Variants in TFEB observed in about 807,000 individuals in gnomAD.
TFEB encodes the protein T-cell transcription factor EB.
Under a neutral mutation model 48.0 loss-of-function variants are expected in TFEB, and 12 were observed. The ratio of observed to expected loss-of-function variants is 0.25; its 90% CI spans 0.16 to 0.40. The LOEUF (loss-of-function observed/expected upper bound fraction) is 0.40. Among genes scored for constraint, TFEB ranks in the 10% least tolerant of loss-of-function variants. The pLI, the probability that TFEB is intolerant of heterozygous loss-of-function variation, is 1.00. For synonymous variants in TFEB, 244 were observed against 261.4 expected (o/e 0.93, Z 0.64); for missense variants, 509 against 640.3 (o/e 0.79, Z 2.21).
At chr6:41,736,054 G>A (rs1157312169), upstream of TFEB, 3 of 1,516,062 alleles carry the variant, frequency 2.0e-6, no homozygotes, top group African/African-American at 2.7e-5. Flanking sequence ...TAAGGGGCAA[G>A]GCCAGGGTGA....
At chr6:41,694,694 A>G (rs1769486097) in intron 1 of TFEB, among the ~76,000 whole-genome samples, 1 of 152,136 alleles carries the variant, frequency 6.6e-6, no homozygotes, top group Non-Finnish European at 1.5e-5. Flanking sequence ...AAGAGGATGG[A>G]CATGGGAGAA....
intron 1 of TFEB, among the ~76,000 whole-genome samples, chr6:41,696,759 C>T (rs1581890985): frequency 6.6e-6 from 1 of 152,226 alleles, no homozygotes; most frequent in East Asian, 1.9e-4. Context: ...TGCTACAAAG[C>T]AATGACAGCA....
rs1768911224 is a variant in TFEB at position 41,684,871 on chromosome 6, G to C, written c.1159C>G (p.Pro387Ala). 1.9e-6 allele frequency: 3 copies of C among 1,569,758 alleles called. No individual in the cohort carries two copies. The African/African-American group carries it at 4.1e-5, about 21-fold the overall frequency. ...TCCAGGTGATGGAATGGGGATGGTG[G>C]CTGGGTGGGCAGGGGCAGCGGGGCT... ...PQAPLPLPTQ[P>A]PSPFHHLDFS... is the part of the protein sequence containing the mutation. Residue 387 changes from proline (P) to alanine (A), a missense_variant, in exon 9 of 9, where the codon CCA becomes GCA. Around this residue, in one of 4 missense-constraint regions of TFEB, gnomAD observed 168 missense variants for 161.0 expected, o/e 1.04. Coordinates refer to ENST00000373033, the MANE Select transcript of TFEB (RefSeq NM_001271944.2).
Position 41,734,833 on chromosome 6 carries a change from C to T in TFEB, c.-23+517G>A, listed in dbSNP as rs1472831744. ...CATCAGCCCAGCCCCCGGGGCGTGG[C>T]GCCGCTCTGGCCCTCCCACTCCCCC... On this transcript the variant is annotated intron_variant, in intron 1 of 8. Coordinates refer to ENST00000373033, the MANE Select transcript of TFEB (RefSeq NM_001271944.2). This position sits in a 1 kb window ranked among gnomAD's most constrained non-coding sequence, Gnocchi z 4.0. 2 of 880,384 alleles carry T rather than the reference C, an allele frequency of 2.3e-6. No homozygotes were observed. The highest frequency in any genetic ancestry group is 5.2e-5 in the South Asian group (1 of 19,126). The allele number at this position is 880,384 out of a possible 1,614,324, so 54.5% of individuals were successfully genotyped here.
At chr6:41,718,333 C>T (rs967445064) in intron 1 of TFEB, among the ~76,000 whole-genome samples, 2 of 152,070 alleles carry the variant, frequency 1.3e-5, no homozygotes, top group African/African-American at 4.8e-5. Context: ...CTCAGCCTCT[C>T]CCATAGCTGG....
At chr6:41,707,505 C>T (rs779475413) in intron 1 of TFEB, among the ~76,000 whole-genome samples, 19 of 152,212 alleles carry the variant, frequency 1.2e-4, no homozygotes, top group Non-Finnish European at 2.4e-4. Context: ...GGGAAGCACA[C>T]CGCCAGGCCC....
intron 1 of TFEB, among the ~76,000 whole-genome samples, chr6:41,713,050 G>A (rs1215474967): frequency 6.6e-6 from 1 of 152,118 alleles, no homozygotes; most frequent in East Asian, 1.9e-4. Flanking sequence ...TGGCCAGAGG[G>A]AGGGTGAAGT....
chr6:41,735,023 C>T (rs2127283865), intron 1 of TFEB: 1 of 985,446 alleles, frequency 1.0e-6, no homozygotes. Flanking sequence ...CCCTTCGACT[C>T]CCAGCTCCGG....
chr6:41,734,853 T>A lies in TFEB; in HGVS notation c.-23+497A>T. On this transcript the variant is annotated intron_variant, in intron 1 of 8. Transcript: ENST00000373033. The surrounding 1 kb of genome is among the most constrained non-coding windows in gnomAD (Gnocchi z 4.0). ...CGTGGCGCCGCTCTGGCCCTCCCAC[T>A]CCCCCCGCTGGCCTGGCCAGACTCA... 4.3e-6 allele frequency: 4 copies of A among 935,324 alleles called. No homozygotes were observed. The highest frequency in any genetic ancestry group is 5.0e-6 in the Non-Finnish European group (4 of 793,978). 57.9% of individuals were successfully genotyped at this position (935,324 alleles called of 1,614,324 possible).
chr6:41,723,279 ACATCC>A lies in TFEB; in HGVS notation c.-23+12066_-23+12070del, dbSNP rs1771059792. ...CAGAGACCCCCACCCCTCCCCAAAGACATCCCAATGCCAGTGCAGCCTGAGGGGCC... is the reference window on the plus strand; with the variant it reads ...CAGAGACCCCCACCCCTCCCCAAAGACAATGCCAGTGCAGCCTGAGGGGCC... On this transcript the variant is annotated intron_variant, in intron 1 of 8. Coordinates refer to ENST00000373033, the MANE Select transcript of TFEB (RefSeq NM_001271944.2). This position sits in a 1 kb window ranked among gnomAD's most constrained non-coding sequence, Gnocchi z 6.0. 1.3e-5 allele frequency among the ~76,000 whole-genome samples: 2 copies of A among 149,842 alleles called. No homozygotes were observed. The highest frequency in any genetic ancestry group is 1.3e-4 in the Admixed American group (2 of 15,082).
chr6:41,686,056 G>T (rs376358708), intron 8 of TFEB, 34 bp downstream of exon 8: 2 of 1,613,858 alleles, frequency 1.2e-6, no homozygotes, highest in Non-Finnish European at 1.7e-6. Context: ...TTAAGGGTCA[G>T]AGTTACCAAA....
intron 4 of TFEB, among the ~76,000 whole-genome samples, chr6:41,689,083 C>T (rs188739485): frequency 6.6e-6 from 1 of 152,324 alleles, no homozygotes; most frequent in African/African-American, 2.4e-5. Context: ...AGAGCATCAC[C>T]CCCATTTTGC....
At chr6:41,721,614 G>A (rs1202605179) in intron 1 of TFEB, among the ~76,000 whole-genome samples, 2 of 152,150 alleles carry the variant, frequency 1.3e-5, no homozygotes, top group Admixed American at 1.3e-4. Context: ...CCTGGCGCGT[G>A]GCCCTCTCTA....
intron 1 of TFEB, among the ~76,000 whole-genome samples, chr6:41,713,997 A>G (rs1377150079): frequency 6.6e-6 from 1 of 152,228 alleles, no homozygotes; most frequent in East Asian, 1.9e-4. Flanking sequence ...GGCCCCAAAC[A>G]GTGCTGAGTC....
In TFEB at chr6:41,684,868, G is replaced by A. The variant is rs529500196; in HGVS notation, c.1162C>T (p.Pro388Ser). 1.9e-5 allele frequency: 30 copies of A among 1,570,662 alleles called. No homozygotes were observed. In the African/African-American group the frequency reaches 4.1e-4, roughly 21 times the overall value. Reference sequence around the variant, plus strand: ...AAGTCCAGGTGATGGAATGGGGATGGTGGCTGGGTGGGCAGGGGCAGCGGG... The same window carrying A: ...AAGTCCAGGTGATGGAATGGGGATGATGGCTGGGTGGGCAGGGGCAGCGGG... ...QAPLPLPTQP[P>S]SPFHHLDFSH... Residue 388 changes from proline (P) to serine (S), a missense_variant, in exon 9 of 9, where the codon CCA (proline) becomes TCA (serine). By Grantham distance (74) the Pro-to-Ser change is moderately conservative. Transcript: ENST00000373033.
chr6:41,725,305 TA>T (rs532943485), intron 1 of TFEB, among the ~76,000 whole-genome samples: 2 of 152,148 alleles, frequency 1.3e-5, no homozygotes, highest in Non-Finnish European at 2.9e-5. Flanking sequence ...AAATGTCCCC[TA>T]GGGGGACAAA....
At chr6:41,686,280 G>C (rs202108331) in intron 7 of TFEB, 43 bp from the exon 8 acceptor site, 6 of 1,607,994 alleles carry the variant, frequency 3.7e-6, no homozygotes, top group Non-Finnish European at 5.1e-6. Context: ...ATGCTCAGAA[G>C]AGTGGCCAAA....
At chr6:41,725,890 G>A (rs1044452453) in intron 1 of TFEB, among the ~76,000 whole-genome samples, 1 of 152,182 alleles carries the variant, frequency 6.6e-6, no homozygotes, top group Non-Finnish European at 1.5e-5. Flanking sequence ...GGAACTCTGT[G>A]GGCCACTAGC....
At chr6:41,717,911 G>C (rs73735940) in intron 1 of TFEB, among the ~76,000 whole-genome samples, 3,910 of 152,084 alleles carry the variant, frequency 0.026, 183 homozygotes, top group African/African-American at 0.088. Context: ...TGGAAAATGG[G>C]GCTTTAAACA....
Sources: gnomAD v4.1 joint callset for allele counts (sites outside exome capture counted in the v4.1 genomes callset) on GRCh38, gnomAD v4.1.1 for gene constraint, gnomAD v4.1.1 regional missense constraint, Gnocchi (gnomAD v3.1) non-coding constraint, MANE v1.5 for transcripts, NCBI Gene and HGNC (gene_info 2026-07-23, HGNC 2026-07-21) for gene names.